Variants in RORB observed in about 807,000 individuals in gnomAD.
RORB encodes RAR related orphan receptor B.
A neutral mutation model predicts 59.1 loss-of-function variants in RORB; 6 were observed. The observed-to-expected ratio is 0.10, with a 90% CI of 0.06 to 0.20. The LOEUF (loss-of-function observed/expected upper bound fraction) is 0.20, where lower values mean the gene tolerates loss of function less well. Among genes scored for constraint, RORB ranks in the 10% least tolerant of loss-of-function variants. The pLI, the probability that RORB is intolerant of heterozygous loss-of-function variation, is 1.00. For synonymous variants in RORB, 215 were observed against 204.5 expected (o/e 1.05, Z -0.44); for missense variants, 320 against 560.5 (o/e 0.57, Z 4.33).
chr9:74,641,332 C>T lies in RORB; in HGVS notation c.236-1082C>T, dbSNP rs557872986. ...TGAAATGAAAGCACCTTGATATTAC[C>T]CTGTGACTACTTGCAGCACTTCTTC... is the stretch of plus-strand genomic sequence containing the variant. On this transcript the variant is annotated intron_variant, in intron 3 of 9. Transcript: ENST00000376896. 2.0e-5 allele frequency among the ~76,000 whole-genome samples: 3 copies of T among 152,286 alleles called. No individual in the cohort carries two copies. In the East Asian group the frequency reaches 5.8e-4, roughly 29 times the overall value.
chr9:74,611,188 G>T (rs1417442937), intron 1 of RORB, among the ~76,000 whole-genome samples: 1 of 152,068 alleles, frequency 6.6e-6, no homozygotes, highest in African/African-American at 2.4e-5. Flanking sequence ...CTACCCAGGG[G>T]AGAAATCAAC....
At chr9:74,676,414 A>G (rs1267074096) in intron 9 of RORB, among the ~76,000 whole-genome samples, 1 of 152,250 alleles carries the variant, frequency 6.6e-6, no homozygotes, top group Non-Finnish European at 1.5e-5. Flanking sequence ...AACTGCTGAT[A>G]TCCCTCAGAG....
intron 4 of RORB, among the ~76,000 whole-genome samples, chr9:74,650,872 C>A (rs1823979013): frequency 6.6e-6 from 1 of 152,170 alleles, no homozygotes; most frequent in Non-Finnish European, 1.5e-5. Context: ...TAAATTAGTT[C>A]TTCCTAAAGG....
chr9:74,556,669 G>T lies in RORB; in HGVS notation c.7+58686G>T, dbSNP rs188622698. On this transcript the variant is annotated intron_variant, in intron 1 of 9. Transcript: ENST00000376896. ...TGGCTGATCTGCCATGAGATAAATG[G>T]CAACAACAACAAAAAAAATTCACCA... Among the ~76,000 whole-genome samples the T allele has an allele frequency of 2.4e-4, 37 of 151,878 alleles. 1 individual carries two copies. Among genetic ancestry groups the T allele is most frequent in the Non-Finnish European group, 7.4e-5 (5 of 67,818 alleles).
At chr9:74,620,102 G>C (rs984271989) in intron 1 of RORB, among the ~76,000 whole-genome samples, 18 of 152,228 alleles carry the variant, frequency 1.2e-4, no homozygotes, top group African/African-American at 4.3e-4. Context: ...GATTGGAGTA[G>C]TTTCAGAAGG....
At chr9:74,608,555 C>A (rs1773853691) in intron 1 of RORB, among the ~76,000 whole-genome samples, 1 of 113,632 alleles carries the variant, frequency 8.8e-6, no homozygotes, top group African/African-American at 3.2e-5. Context: ...CAGAGTGAGA[C>A]TCCGTCTCAA....
intron 6 of RORB, among the ~76,000 whole-genome samples, chr9:74,665,229 A>G (rs10121918): frequency 0.67 from 101,125 of 151,992 alleles, 34,564 homozygotes; most frequent in East Asian, 0.87. Context: ...AATATATTAA[A>G]TTGGTGCAAA....
chr9:74,642,577 G>C lies in RORB; in HGVS notation c.399G>C (p.Leu133=), dbSNP rs1823828759. 6.2e-7 allele frequency: 1 copy of C among 1,614,184 alleles called. No homozygotes were observed. The highest frequency in any genetic ancestry group is 2.2e-5 in the East Asian group (1 of 44,878). ...GCATTAGCAACGGCCTGAGCAACCTGAACAACGAGACCAGCGGCACTTATG... is the reference window on the plus strand; with the variant it reads ...GCATTAGCAACGGCCTGAGCAACCTCAACAACGAGACCAGCGGCACTTATG... ...SSSISNGLSN[L]NNETSGTYAN... The change falls in exon 4 of 10, where the codon CTG becomes CTC. Residue 133 remains leucine (L), a synonymous_variant. Transcript: ENST00000376896.
At chr9:74,681,648 T>C (rs1018910695) in intron 9 of RORB, among the ~76,000 whole-genome samples, 5 of 152,178 alleles carry the variant, frequency 3.3e-5, no homozygotes, top group African/African-American at 4.8e-5. Flanking sequence ...CCAGTTTTTT[T>C]CCCAGGAAAA....
intron 1 of RORB, among the ~76,000 whole-genome samples, chr9:74,566,934 G>A (rs1822478256): frequency 6.6e-6 from 1 of 152,126 alleles, no homozygotes; most frequent in African/African-American, 2.4e-5. Flanking sequence ...TTCTTTCTAT[G>A]TAGGAACCTA....
Position 74,693,021 on chromosome 9 carries a change from G to A in RORB, c.*7403G>A, listed in dbSNP as rs1309546583. ...TTACTTTAGAATGTAATAGGTTTTT[G>A]TCCTTATTTTATGTCCTGTAAATTA... On this transcript the variant is annotated 3_prime_UTR_variant, in exon 10 of 10. Transcript: ENST00000376896. 1 of 152,064 alleles carries A rather than the reference G, an allele frequency of 6.6e-6. No homozygotes were observed. Among genetic ancestry groups the A allele is most frequent in the Non-Finnish European group, 1.5e-5 (1 of 68,010 alleles). 9.4% of individuals were successfully genotyped at this position (152,064 alleles called of 1,614,324 possible). A position where few individuals can be genotyped will look rare whatever the true frequency, so the allele number is the denominator to read the frequency against.
At chr9:74,644,749 C>CA (rs1823868190) in intron 4 of RORB, among the ~76,000 whole-genome samples, 1 of 152,150 alleles carries the variant, frequency 6.6e-6, no homozygotes, top group Non-Finnish European at 1.5e-5. Flanking sequence ...CCTTATAAAA[C>CA]AAAAACTCAC....
chr9:74,562,809 A>T (rs1167176280), intron 1 of RORB, among the ~76,000 whole-genome samples: 1 of 152,214 alleles, frequency 6.6e-6, no homozygotes, highest in Non-Finnish European at 1.5e-5. Context: ...AAAAGTTGCA[A>T]GAACAGCAAA....
intron 1 of RORB, among the ~76,000 whole-genome samples, chr9:74,587,446 A>T (rs1006874805): frequency 1.3e-5 from 2 of 152,180 alleles, no homozygotes; most frequent in Non-Finnish European, 2.9e-5. Context: ...TATGTTTTTC[A>T]GTCATAGCCT....
chr9:74,560,876 C>A (rs1248026733), intron 1 of RORB, among the ~76,000 whole-genome samples: 1 of 152,066 alleles, frequency 6.6e-6, no homozygotes, highest in Non-Finnish European at 1.5e-5. Flanking sequence ...CAGTTACAGC[C>A]TGGGAATGTA....
chr9:74,613,712 G>A (rs971779282), intron 1 of RORB, among the ~76,000 whole-genome samples: 1 of 152,124 alleles, frequency 6.6e-6, no homozygotes, highest in Non-Finnish European at 1.5e-5. Context: ...GGATTTCCCA[G>A]CCTCCTCTCC....
At chr9:74,584,221 G>C (rs1426742968) in intron 1 of RORB, among the ~76,000 whole-genome samples, 1 of 152,168 alleles carries the variant, frequency 6.6e-6, no homozygotes, top group Admixed American at 6.5e-5. Flanking sequence ...TGTGGGTTTT[G>C]TTGTAGCTTT....
chr9:74,525,009 T>C (rs1292843726), intron 1 of RORB, among the ~76,000 whole-genome samples: 1 of 151,894 alleles, frequency 6.6e-6, no homozygotes, highest in African/African-American at 2.4e-5. Flanking sequence ...CAATAATTAC[T>C]CATCAAATTA....
chr9:74,549,822 G>A (rs1245080849), intron 1 of RORB, among the ~76,000 whole-genome samples: 1 of 151,986 alleles, frequency 6.6e-6, no homozygotes, highest in Non-Finnish European at 1.5e-5. Context: ...TCCGCCTCCC[G>A]GGTTCAAGCG....
Sources: allele counts gnomAD v4.1 joint callset (sites outside exome capture counted in the v4.1 genomes callset), GRCh38; gene constraint gnomAD v4.1.1; transcripts MANE v1.5; gene names NCBI Gene and HGNC (gene_info 2026-07-23, HGNC 2026-07-21).